Variants in NEDD4L observed in about 807,000 individuals in gnomAD.
The protein encoded by NEDD4L is E3 ubiquitin-protein ligase NEDD4-like.
A neutral mutation model predicts 148.9 loss-of-function variants in NEDD4L; 54 were observed. That is an observed-to-expected ratio of 0.36 (90% CI 0.29 to 0.45). NEDD4L has a LOEUF of 0.45. Among genes scored for constraint, NEDD4L ranks in the 20% least tolerant of loss-of-function variants. NEDD4L has a pLI of 1.00. For synonymous variants in NEDD4L, 433 were observed against 440.7 expected (o/e 0.98, Z 0.22); for missense variants, 856 against 1,233.8 (o/e 0.69, Z 4.59).
chr18:58,228,582 G>A (rs569700142), intron 2 of NEDD4L, among the ~76,000 whole-genome samples: 4 of 152,332 alleles, frequency 2.6e-5, no homozygotes, highest in African/African-American at 7.2e-5. Context: ...GACAAGATAC[G>A]GAAAAGGCGA....
intron 2 of NEDD4L, among the ~76,000 whole-genome samples, chr18:58,175,329 A>G (rs2038000733): frequency 7.2e-6 from 1 of 139,782 alleles, no homozygotes; most frequent in African/African-American, 2.9e-5. Context: ...TGTTGTTTTC[A>G]TGGGGGCTGG....
chr18:58,265,605 C>A (rs954386730), intron 5 of NEDD4L, among the ~76,000 whole-genome samples: 1 of 152,030 alleles, frequency 6.6e-6, no homozygotes, highest in Non-Finnish European at 1.5e-5. Context: ...TGCTCTGTTG[C>A]CCAGGCTGGA....
At chr18:58,236,881 G>A (rs1028665074) in intron 2 of NEDD4L, among the ~76,000 whole-genome samples, 2 of 152,130 alleles carry the variant, frequency 1.3e-5, no homozygotes, top group South Asian at 2.1e-4. Flanking sequence ...ATATTAGCCC[G>A]GCATGGTGGC....
At chr18:58,258,731 T>C (rs1366534090) in intron 5 of NEDD4L, among the ~76,000 whole-genome samples, 1 of 152,208 alleles carries the variant, frequency 6.6e-6, no homozygotes, top group Non-Finnish European at 1.5e-5. Context: ...ACGTGGTTAG[T>C]AAGCTGGTTT....
At chr18:58,320,329 T>C (rs2058668334) in intron 6 of NEDD4L, among the ~76,000 whole-genome samples, 1 of 152,204 alleles carries the variant, frequency 6.6e-6, no homozygotes, top group African/African-American at 2.4e-5. Context: ...CATTTTGATT[T>C]CCAAGTCAGA....
intron 2 of NEDD4L, among the ~76,000 whole-genome samples, chr18:58,238,353 AC>A (rs1278463458): frequency 6.6e-6 from 1 of 152,234 alleles, no homozygotes; most frequent in Non-Finnish European, 1.5e-5. Context: ...CCATGAAATT[AC>A]AGGGTTCAGT....
At chr18:58,167,456 C>T (rs1396819584) in intron 2 of NEDD4L, among the ~76,000 whole-genome samples, 1 of 152,198 alleles carries the variant, frequency 6.6e-6, no homozygotes, top group African/African-American at 2.4e-5. Flanking sequence ...CACCTTATGC[C>T]CTGCCTTTCC....
At chr18:58,394,705 G>A (rs958880531) in intron 30 of NEDD4L, among the ~76,000 whole-genome samples, 1 of 152,230 alleles carries the variant, frequency 6.6e-6, no homozygotes, top group African/African-American at 2.4e-5. Context: ...GAGAATCCAA[G>A]TGGAACTCAG....
At chr18:58,239,158 A>G (rs984152856) in intron 2 of NEDD4L, among the ~76,000 whole-genome samples, 2 of 152,174 alleles carry the variant, frequency 1.3e-5, no homozygotes, top group African/African-American at 2.4e-5. Flanking sequence ...GTCGAAAGAA[A>G]TTTGCTGTAT....
Position 58,328,998 on chromosome 18 carries a change from C to T in NEDD4L, c.684C>T (p.Asp228=), listed in dbSNP as rs765464540. ...TTQWHRPSLM[D]VSSESDNNIR... is the part of the protein sequence containing the mutation. ...TCCCCCTTTCCTGCATGCTCAGGGA[C>T]GTGTCCTCGGAGTCGGACAATAACA... Residue 228 remains aspartate (D), a synonymous_variant, in exon 10 of 31, where the codon GAC becomes GAT. Coordinates refer to ENST00000400345, the MANE Select transcript of NEDD4L (RefSeq NM_001144967.3). 1.2e-5 allele frequency: 19 copies of T among 1,613,860 alleles called. No individual in the cohort carries two copies. The highest frequency in any genetic ancestry group is 1.4e-5 in the Non-Finnish European group (17 of 1,179,872).
At chr18:58,105,261 G>A (rs2145567323) in intron 1 of NEDD4L, among the ~76,000 whole-genome samples, 1 of 152,302 alleles carries the variant, frequency 6.6e-6, no homozygotes, top group Admixed American at 6.5e-5. Flanking sequence ...ATAATGGGCT[G>A]TGACAATGCT....
chr18:58,388,928 G>T, intron 27 of NEDD4L, 157 bp from the exon 28 acceptor site: 1 of 655,590 alleles, frequency 1.5e-6, no homozygotes, highest in Non-Finnish European at 2.8e-6. Context: ...GGCAGGTGGA[G>T]CCTGGAACAG....
intron 5 of NEDD4L, among the ~76,000 whole-genome samples, chr18:58,315,160 T>A (rs538435800): frequency 2.0e-5 from 3 of 152,232 alleles, no homozygotes; most frequent in African/African-American, 7.2e-5. Flanking sequence ...AAATAGTCAT[T>A]GTGTTCCAGT....
At chr18:58,305,296 G>A (rs1469112168) in intron 5 of NEDD4L, among the ~76,000 whole-genome samples, 2 of 152,156 alleles carry the variant, frequency 1.3e-5, no homozygotes, top group Admixed American at 6.5e-5. Context: ...CAAGGAAAAC[G>A]GGTAGCTTCA....
chr18:58,389,487 TAA>T (rs1442933107), intron 28 of NEDD4L: 1 of 256,312 alleles, frequency 3.9e-6, no homozygotes, highest in Non-Finnish European at 7.4e-6. Context: ...CTCCAATGCG[TAA>T]ATAGAAATGG....
intron 5 of NEDD4L, among the ~76,000 whole-genome samples, chr18:58,312,107 A>G (rs1342278805): frequency 1.3e-5 from 2 of 152,232 alleles, no homozygotes; most frequent in African/African-American, 4.8e-5. Flanking sequence ...ATATCGGAAT[A>G]TGAATTTTTG....
intron 1 of NEDD4L, among the ~76,000 whole-genome samples, chr18:58,080,640 A>G (rs1396704573): frequency 6.6e-6 from 1 of 152,240 alleles, no homozygotes; most frequent in East Asian, 1.9e-4. Context: ...TTAGGGACAG[A>G]TGCCCTCAGG....
At chr18:58,310,832 G>A (rs906151552) in intron 5 of NEDD4L, among the ~76,000 whole-genome samples, 3 of 152,230 alleles carry the variant, frequency 2.0e-5, no homozygotes, top group Non-Finnish European at 4.4e-5. Context: ...GCACTCGCTA[G>A]TCCTCTGGGA....
rs9653063 is a variant in NEDD4L, at chr18:58,142,745, A to C, written c.49-23043A>C. The stretch of plus-strand genomic sequence containing the variant: ...ATGAGCATTCAGGCCCAGACTGTGA[A>C]GACTCTGGAAATGAGAATTTTGTTT... On this transcript the variant is annotated intron_variant, in intron 1 of 30. Coordinates refer to ENST00000400345, the MANE Select transcript of NEDD4L (RefSeq NM_001144967.3). 1.5e-3 allele frequency among the ~76,000 whole-genome samples: 222 copies of C among 152,366 alleles called. 1 individual carries two copies. The highest frequency in any genetic ancestry group is 2.6e-3 in the Non-Finnish European group (174 of 68,042).
Sources: allele counts gnomAD v4.1 joint callset (sites outside exome capture counted in the v4.1 genomes callset), GRCh38; gene constraint gnomAD v4.1.1; transcripts MANE v1.5; gene names NCBI Gene and HGNC (gene_info 2026-07-23, HGNC 2026-07-21).